SLFN5: variants seen among roughly 807,000 people sequenced by gnomAD.
SLFN5 encodes the protein schlafen family member 5.
A neutral mutation model predicts 48.5 loss-of-function variants in SLFN5; 34 were observed. That is an observed-to-expected ratio of 0.70 (90% CI 0.53 to 0.93). The LOEUF (loss-of-function observed/expected upper bound fraction) is 0.93, where lower values mean the gene tolerates loss of function less well. SLFN5 is among the 40% of genes least tolerant of loss of function. The probability of loss-of-function intolerance (pLI) is 0.00; values close to 1 mark genes in which losing one functional copy is unlikely to be tolerated. For missense variants in SLFN5, 1,006 were observed against 1,071.3 expected, an observed-to-expected ratio of 0.94 and a Z score of 0.85; for synonymous variants, 387 against 396.2, an observed-to-expected ratio of 0.98 and a Z score of 0.28.
rs1904778563 is a variant in SLFN5, at chr17:35,269,399, A to G, written c.*3511A>G. The G allele has an allele frequency of 6.6e-6, 1 of 152,218 alleles. No homozygotes were observed. Among genetic ancestry groups the G allele is most frequent in the African/African-American group, 2.4e-5 (1 of 41,462 alleles). The allele number at this position is 152,218 out of a possible 1,614,324, so 9.4% of individuals were successfully genotyped here. ...ATAGGAATTATAATTACAGAAAAGA[A>G]TGTTACAAACCTTCACAAAGTAAAA... On this transcript the variant is annotated 3_prime_UTR_variant, in exon 5 of 5. Coordinates refer to ENST00000299977, the MANE Select transcript of SLFN5 (RefSeq NM_144975.4).
rs536279990 is a variant in SLFN5 at position 35,249,572 on chromosome 17, G to A, written c.-41+6429G>A. Reference sequence around the variant, plus strand: ...TCCTCTGAGTAAACATACCACACAGGTGGTAGGTATTTCAAGTAACCCACA... The same window carrying A: ...TCCTCTGAGTAAACATACCACACAGATGGTAGGTATTTCAAGTAACCCACA... On this transcript the variant is annotated intron_variant, in intron 1 of 4. Transcript: ENST00000299977. 2.9e-4 allele frequency among the ~76,000 whole-genome samples: 44 copies of A among 152,260 alleles called. 1 individual carries two copies. In the East Asian group the frequency reaches 6.0e-3, roughly 21 times the overall value.
chr17:35,243,800 G>A (rs961021030), intron 1 of SLFN5, among the ~76,000 whole-genome samples: 3 of 152,172 alleles, frequency 2.0e-5, no homozygotes, highest in African/African-American at 7.2e-5. Context: ...CCAAATTCAG[G>A]CTCAGGAACC....
rs202024571 is a variant in SLFN5, at chr17:35,265,376, C to T, written c.2164C>T (p.Leu722=). ...VRNAGPIANY[L]QQVMQEARQN... ...CAATGCAGGTCCAATAGCTAATTAC[C>T]TACAACAAGTAATGCAGGAAGCCCG... Residue 722 remains leucine, a synonymous_variant, in exon 5 of 5, where the codon CTA becomes TTA. Coordinates refer to ENST00000299977, the MANE Select transcript of SLFN5 (RefSeq NM_144975.4). 1.9e-6 allele frequency: 3 copies of T among 1,614,162 alleles called. No individual in the cohort carries two copies. In the East Asian group the frequency reaches 6.7e-5, roughly 36 times the overall value.
chr17:35,253,661 C>T (rs966991564), intron 1 of SLFN5, among the ~76,000 whole-genome samples: 7 of 150,148 alleles, frequency 4.7e-5, no homozygotes, highest in East Asian at 2.0e-4. Context: ...AGGTGTGAGC[C>T]GCTGTGCCTG....
intron 1 of SLFN5, among the ~76,000 whole-genome samples, chr17:35,253,359 A>ACTGT (rs2092446935): frequency 6.7e-6 from 1 of 149,934 alleles, no homozygotes. Flanking sequence ...ACTGTATAGC[A>ACTGT]CTCTCTCTCT....
At chr17:35,263,693 C>T (rs961243964) in intron 3 of SLFN5, among the ~76,000 whole-genome samples, 1 of 151,728 alleles carries the variant, frequency 6.6e-6, no homozygotes, top group African/African-American at 2.4e-5. Flanking sequence ...CTTGGTGGCA[C>T]ACGCCTTTGG....
rs889140015 is a variant in SLFN5 at position 35,269,205 on chromosome 17, A to G, written c.*3317A>G. On this transcript the variant is annotated 3_prime_UTR_variant, in exon 5 of 5. Coordinates refer to ENST00000299977, the MANE Select transcript of SLFN5 (RefSeq NM_144975.4). Reference sequence around the variant, plus strand: ...TCTAGTACAAAGGCAGCACATGGGTATTTTTGAACATAAAAGAGTTCTAGA... The same window carrying G: ...TCTAGTACAAAGGCAGCACATGGGTGTTTTTGAACATAAAAGAGTTCTAGA... 6.6e-6 allele frequency: 1 copy of G among 152,206 alleles called. No homozygotes were observed. Among genetic ancestry groups the G allele is most frequent in the African/African-American group, 2.4e-5 (1 of 41,452 alleles). The allele number at this position is 152,206 out of a possible 1,614,324, so 9.4% of individuals were successfully genotyped here.
rs1259507900 is a variant in SLFN5 at position 35,271,361 on chromosome 17, A to G, written c.*5473A>G. The G allele has an allele frequency of 6.6e-6, 1 of 152,250 alleles. No individual in the cohort carries two copies. The highest frequency in any genetic ancestry group is 1.5e-5 in the Non-Finnish European group (1 of 68,044). The allele number at this position is 152,250 out of a possible 1,614,324, so 9.4% of individuals were successfully genotyped here. On this transcript the variant is annotated 3_prime_UTR_variant, in exon 5 of 5. Coordinates refer to ENST00000299977, the MANE Select transcript of SLFN5 (RefSeq NM_144975.4). Reference sequence around the variant, plus strand: ...AATTGAGAAGAAAGTAGTGGTTTTAAGAAGGAAAGGAGAACAAATAAATTA... The same window carrying G: ...AATTGAGAAGAAAGTAGTGGTTTTAGGAAGGAAAGGAGAACAAATAAATTA...
At chr17:35,245,803 C>T (rs1277289212) in intron 1 of SLFN5, among the ~76,000 whole-genome samples, 3 of 150,346 alleles carry the variant, frequency 2.0e-5, no homozygotes, top group African/African-American at 7.3e-5. Context: ...AACATTCATG[C>T]ACAAGTCTTT....
Position 35,266,182 on chromosome 17 carries a change from GCGCGCA to G in SLFN5, c.*297_*302del. ...TGTGTGTGTGTGTGTGTGTGTGCGC[GCGCGCA>G]CGTGCACATGTGTGTAGGTAGATGG... is the stretch of plus-strand genomic sequence containing the variant. On this transcript the variant is annotated 3_prime_UTR_variant, in exon 5 of 5. Transcript: ENST00000299977. The G allele has an allele frequency of 2.6e-5, 7 of 265,232 alleles. No homozygotes were observed. Among genetic ancestry groups the G allele is most frequent in the South Asian group, 8.7e-5 (1 of 11,536 alleles). 16.4% of individuals were successfully genotyped at this position (265,232 alleles called of 1,614,324 possible). A position where few individuals can be genotyped will look rare whatever the true frequency, so the allele number is the denominator to read the frequency against.
rs1302361847 is a variant in SLFN5 at position 35,268,368 on chromosome 17, A to G, written c.*2480A>G. 6.6e-6 allele frequency: 1 copy of G among 152,254 alleles called. No homozygotes were observed. The highest frequency in any genetic ancestry group is 2.4e-5 in the African/African-American group (1 of 41,458). The allele number at this position is 152,254 out of a possible 1,614,324, so 9.4% of individuals were successfully genotyped here. The stretch of plus-strand genomic sequence containing the variant: ...GAAAAATGTAGAAAAGAAATATGAC[A>G]TGAGCCAGATGAAGAACCCATCCTG... On this transcript the variant is annotated 3_prime_UTR_variant, in exon 5 of 5. Coordinates refer to ENST00000299977, the MANE Select transcript of SLFN5 (RefSeq NM_144975.4).
In SLFN5 at chr17:35,272,860, A is replaced by G. The variant is rs932655528; in HGVS notation, c.*6972A>G. On this transcript the variant is annotated 3_prime_UTR_variant, in exon 5 of 5. Transcript: ENST00000299977. ...TTTAAGGGGGAAAGCACTTCCATGC[A>G]TTGCTGTAAATTGGTACATCTTCTA... The G allele has an allele frequency of 2.0e-5, 3 of 152,232 alleles. No homozygotes were observed. The highest frequency in any genetic ancestry group is 7.2e-5 in the African/African-American group (3 of 41,460). The allele number at this position is 152,232 out of a possible 1,614,324, so 9.4% of individuals were successfully genotyped here.
intron 3 of SLFN5, 100 bp from the exon 4 acceptor site, chr17:35,264,083 C>T: frequency 8.7e-6 from 12 of 1,377,596 alleles, no homozygotes; most frequent in Non-Finnish European, 1.2e-5. Context: ...ATTGTAGATA[C>T]ATAGTAGAGT....
At chr17:35,249,731 A>T (rs1274799771) in intron 1 of SLFN5, among the ~76,000 whole-genome samples, 1 of 152,208 alleles carries the variant, frequency 6.6e-6, no homozygotes, top group Non-Finnish European at 1.5e-5. Context: ...ATGGAACTGT[A>T]ATATGTATTG....
chr17:35,251,275 T>C (rs1272481588), intron 1 of SLFN5, among the ~76,000 whole-genome samples: 1 of 152,244 alleles, frequency 6.6e-6, no homozygotes, highest in Non-Finnish European at 1.5e-5. Context: ...CTTATTTCTA[T>C]TGGTTTAGGG....
At chr17:35,250,950 G>C (rs994632003) in intron 1 of SLFN5, among the ~76,000 whole-genome samples, 2 of 152,182 alleles carry the variant, frequency 1.3e-5, no homozygotes, top group African/African-American at 4.8e-5. Context: ...CTCACAAAAT[G>C]ACAGATGAGA....
rs1904775026 is a variant in SLFN5 at position 35,269,220 on chromosome 17, A to AT, written c.*3332_*3333insT. 6.6e-6 allele frequency: 1 copy of AT among 152,204 alleles called. No individual in the cohort carries two copies. Among genetic ancestry groups the AT allele is most frequent in the South Asian group, 2.1e-4 (1 of 4,828 alleles). The allele number at this position is 152,204 out of a possible 1,614,324, so 9.4% of individuals were successfully genotyped here. ...GCACATGGGTATTTTTGAACATAAAAGAGTTCTAGAAATACAGGACCCATG... is the reference window on the plus strand; with the variant it reads ...GCACATGGGTATTTTTGAACATAAAATGAGTTCTAGAAATACAGGACCCATG... On this transcript the variant is annotated 3_prime_UTR_variant, in exon 5 of 5. Transcript: ENST00000299977.
chr17:35,264,118 G>T (rs200884787), intron 3 of SLFN5, 65 bp from the exon 4 acceptor site: 10 of 1,506,292 alleles, frequency 6.6e-6, no homozygotes, highest in African/African-American at 1.4e-5. Context: ...ATTCTTCTAC[G>T]TATAATGATG....
intron 1 of SLFN5, among the ~76,000 whole-genome samples, chr17:35,258,376 T>C (rs555571184): frequency 1.3e-5 from 2 of 152,326 alleles, no homozygotes; most frequent in South Asian, 4.1e-4. Flanking sequence ...AAACCCTTTA[T>C]GAAACCATCA....
Sources: gnomAD v4.1 joint callset for allele counts (sites outside exome capture counted in the v4.1 genomes callset) on GRCh38, gnomAD v4.1.1 for gene constraint, MANE v1.5 for transcripts, NCBI Gene and HGNC (gene_info 2026-07-23, HGNC 2026-07-21) for gene names.